AGMO: variants seen among roughly 807,000 people sequenced by gnomAD.
The protein encoded by AGMO is glyceryl-ether monooxygenase.
Under a neutral mutation model 60.2 loss-of-function variants are expected in AGMO, and 75 were observed. The ratio of observed to expected loss-of-function variants is 1.25; its 90% confidence interval spans 1.03 to 1.51. The LOEUF (loss-of-function observed/expected upper bound fraction) is 1.51. Ranked by LOEUF, AGMO falls within the 40% of genes most tolerant of loss-of-function variation. The pLI, the probability that AGMO is intolerant of heterozygous loss-of-function variation, is 0.00. For synonymous variants in AGMO, 261 were observed against 177.1 expected (o/e 1.47, Z -3.76); for missense variants, 763 against 525.5 (o/e 1.45, Z -4.42).
chr7:15,496,190 A>G (rs1200855371), intron 3 of AGMO, among the ~76,000 whole-genome samples: 2 of 152,098 alleles, frequency 1.3e-5, no homozygotes, highest in Admixed American at 6.5e-5. Flanking sequence ...TGATCACCTT[A>G]CCAACTTGAG....
intron 10 of AGMO, among the ~76,000 whole-genome samples, chr7:15,375,504 C>G (rs1400323385): frequency 6.9e-6 from 1 of 145,842 alleles, no homozygotes; most frequent in Non-Finnish European, 1.5e-5. Context: ...TCAAGTGATT[C>G]TCTTGCCTCA....
chr7:15,541,789 A>C (rs1583666962), intron 3 of AGMO, among the ~76,000 whole-genome samples: 1 of 152,236 alleles, frequency 6.6e-6, no homozygotes, highest in Non-Finnish European at 1.5e-5. Flanking sequence ...CTAAGGAAGC[A>C]ATTTAAATAC....
chr7:15,429,868 A>C (rs897544561), intron 4 of AGMO, among the ~76,000 whole-genome samples: 7 of 152,062 alleles, frequency 4.6e-5, no homozygotes, highest in African/African-American at 1.7e-4. Context: ...GAGAATGATA[A>C]TACTTGATCT....
At chr7:15,282,775 G>GAAGCATAT (rs1386147378) in intron 12 of AGMO, among the ~76,000 whole-genome samples, 1 of 152,068 alleles carries the variant, frequency 6.6e-6, no homozygotes, top group East Asian at 1.9e-4. Context: ...GGACATCACC[G>GAAGCATAT]AAGCATATAC....
intron 12 of AGMO, among the ~76,000 whole-genome samples, chr7:15,314,514 G>A (rs184866604): frequency 6.6e-6 from 1 of 152,010 alleles, no homozygotes; most frequent in Non-Finnish European, 1.5e-5. Context: ...TCACATTCTA[G>A]TCTTTAAAAG....
the AGMO span, among the ~76,000 whole-genome samples, chr7:15,148,068 A>G: frequency 6.6e-6 from 1 of 152,242 alleles, no homozygotes; most frequent in Admixed American, 6.5e-5. Context: ...TATTAATAGT[A>G]TTAATTTTAT....
At chr7:15,155,990 G>C in the AGMO span, among the ~76,000 whole-genome samples, 1 of 152,176 alleles carries the variant, frequency 6.6e-6, no homozygotes, top group East Asian at 1.9e-4. Context: ...GCCCCTCAAG[G>C]TGAAGCACCT....
At chr7:15,311,323 A>G (rs1780764586) in intron 12 of AGMO, among the ~76,000 whole-genome samples, 1 of 152,130 alleles carries the variant, frequency 6.6e-6, no homozygotes, top group Non-Finnish European at 1.5e-5. Flanking sequence ...CATTTTTGAC[A>G]TTTTCACTTA....
chr7:15,459,599 T>TGTGTGTTTGTGTGTGTGTGTG (rs1554274867), intron 3 of AGMO, among the ~76,000 whole-genome samples: 2 of 142,140 alleles, frequency 1.4e-5, no homozygotes, highest in Non-Finnish European at 3.1e-5. Flanking sequence ...GTATGTGCGT[T>TGTGTGTTTGTGTGTGTGTGTG]TGTGTGTGTG....
the AGMO span, among the ~76,000 whole-genome samples, chr7:15,184,334 G>C: frequency 9.3e-6 from 1 of 107,480 alleles, no homozygotes; most frequent in Admixed American, 1.0e-4. Context: ...AAGGAGGAAG[G>C]AAGGAAGGAA....
At chr7:15,534,034 C>G (rs575948986) in intron 3 of AGMO, among the ~76,000 whole-genome samples, 2 of 151,930 alleles carry the variant, frequency 1.3e-5, no homozygotes, top group South Asian at 4.1e-4. Context: ...ACTTATGGCA[C>G]AAAGTTACAT....
intron 12 of AGMO, among the ~76,000 whole-genome samples, chr7:15,276,978 T>C (rs1209437727): frequency 2.6e-5 from 4 of 151,996 alleles, no homozygotes; most frequent in Non-Finnish European, 4.4e-5. Flanking sequence ...CAATCTTCTC[T>C]TGAATCTCAT....
chr7:15,268,591 CTT>C (rs1469755663), intron 12 of AGMO, among the ~76,000 whole-genome samples: 1 of 151,906 alleles, frequency 6.6e-6, no homozygotes, highest in Non-Finnish European at 1.5e-5. Context: ...CTGATTAATA[CTT>C]TGTTTTAAAA....
intron 3 of AGMO, among the ~76,000 whole-genome samples, chr7:15,432,915 G>A (rs140605362): frequency 2.8e-3 from 430 of 152,046 alleles, no homozygotes; most frequent in Non-Finnish European, 4.9e-3. Context: ...TTAGGTGGAC[G>A]TTGAATAAGA....
At chr7:15,464,264 T>C (rs564845900) in intron 3 of AGMO, among the ~76,000 whole-genome samples, 22 of 152,304 alleles carry the variant, frequency 1.4e-4, no homozygotes, top group Middle Eastern at 3.4e-3. Context: ...CATAAAAACA[T>C]GTAATCTTAG....
chr7:15,363,713 C>T (rs144501079), intron 12 of AGMO, among the ~76,000 whole-genome samples: 1 of 152,194 alleles, frequency 6.6e-6, no homozygotes, highest in Non-Finnish European at 1.5e-5. Context: ...CAAAGAATAC[C>T]AAATGCAGTA....
At chr7:15,472,097 A>G (rs1253547038) in intron 3 of AGMO, among the ~76,000 whole-genome samples, 3 of 151,918 alleles carry the variant, frequency 2.0e-5, no homozygotes, top group African/African-American at 4.8e-5. Context: ...ATTAAATTCT[A>G]TCATCTCATG....
intron 10 of AGMO, among the ~76,000 whole-genome samples, chr7:15,377,707 T>C (rs1205460446): frequency 6.6e-6 from 1 of 152,052 alleles, no homozygotes; most frequent in Admixed American, 6.6e-5. Context: ...GACCCTGGCT[T>C]TTCTTTTGGT....
At chr7:15,421,877 A>G (rs1292291000) in intron 4 of AGMO, among the ~76,000 whole-genome samples, 1 of 152,164 alleles carries the variant, frequency 6.6e-6, no homozygotes, top group African/African-American at 2.4e-5. Flanking sequence ...GTGGGAAGAT[A>G]GTCAAAGATG....
Sources: gnomAD v4.1 joint callset for allele counts (sites outside exome capture counted in the v4.1 genomes callset) on GRCh38, gnomAD v4.1.1 for gene constraint, MANE v1.5 for transcripts, NCBI Gene and HGNC (gene_info 2026-07-23, HGNC 2026-07-21) for gene names.